Variants in CTNNA3 observed in about 807,000 individuals in gnomAD.
CTNNA3 encodes the protein catenin alpha-3.
CTNNA3 carries 76 observed loss-of-function variants against 95.7 expected under a neutral mutation model. That is an observed-to-expected ratio of 0.79 (90% CI 0.66 to 0.96). CTNNA3 has a LOEUF of 0.96. Among genes scored for constraint, CTNNA3 ranks in the 40% least tolerant of loss-of-function variants. CTNNA3 has a pLI of 0.00. For missense variants in CTNNA3, 1,191 were observed against 1,089.8 expected, an observed-to-expected ratio of 1.09 and a Z score of -1.31; for synonymous variants, 431 against 374.4, an observed-to-expected ratio of 1.15 and a Z score of -1.74.
chr10:66,216,276 T>G (rs1293698227), intron 13 of CTNNA3, among the ~76,000 whole-genome samples: 2 of 152,230 alleles, frequency 1.3e-5, no homozygotes, highest in Non-Finnish European at 2.9e-5. Flanking sequence ...AACTTATATC[T>G]TTAGTTTACA....
At chr10:67,564,677 G>GTATATATATAAATATATATATATA (rs1554854251) in intron 3 of CTNNA3, among the ~76,000 whole-genome samples, 1 of 61,334 alleles carries the variant, frequency 1.6e-5, no homozygotes, top group Non-Finnish European at 3.1e-5. Context: ...GTGTGTGTGT[G>GTATATATATAAATATATATATATA]TATATATATA....
chr10:67,125,061 G>C (rs535596397), intron 7 of CTNNA3, among the ~76,000 whole-genome samples: 1 of 152,296 alleles, frequency 6.6e-6, no homozygotes, highest in South Asian at 2.1e-4. Context: ...ATCAAGTTAA[G>C]TTATGAGCTA....
At chr10:67,369,116 C>A (rs1193497221) in intron 5 of CTNNA3, among the ~76,000 whole-genome samples, 1 of 152,090 alleles carries the variant, frequency 6.6e-6, no homozygotes, top group East Asian at 1.9e-4. Flanking sequence ...ATGTATAATG[C>A]ATTACATATA....
intron 7 of CTNNA3, among the ~76,000 whole-genome samples, chr10:66,999,910 C>T (rs1195409920): frequency 1.3e-5 from 2 of 152,250 alleles, no homozygotes; most frequent in East Asian, 3.9e-4. Flanking sequence ...TGAAGGTCAT[C>T]TGATTTGTTG....
chr10:67,762,129 G>A (rs1468003121), intron 1 of CTNNA3, among the ~76,000 whole-genome samples: 2 of 150,930 alleles, frequency 1.3e-5, no homozygotes, highest in East Asian at 1.9e-4. Flanking sequence ...ACTTTTGGGG[G>A]CGGGGGGAAT....
chr10:66,320,393 A>ATGT (rs1255076992), intron 12 of CTNNA3, among the ~76,000 whole-genome samples: 1 of 152,120 alleles, frequency 6.6e-6, no homozygotes, highest in Non-Finnish European at 1.5e-5. Context: ...GCATTAAATA[A>ATGT]TGTTTAATTA....
intron 13 of CTNNA3, among the ~76,000 whole-genome samples, chr10:66,209,551 G>A (rs554017991): frequency 4.1e-4 from 63 of 152,134 alleles, no homozygotes; most frequent in Middle Eastern, 3.2e-3. Flanking sequence ...CATAGCCAGC[G>A]TGTTAAGGGA....
At chr10:67,319,896 CAAAAAAA>C (rs11418140) in intron 5 of CTNNA3, among the ~76,000 whole-genome samples, 3 of 102,882 alleles carry the variant, frequency 2.9e-5, no homozygotes, top group African/African-American at 4.0e-5. Flanking sequence ...GACTCAGTCT[CAAAAAAA>C]AAAAAAAAAA....
At chr10:67,644,825 G>A (rs1839655248) in intron 2 of CTNNA3, among the ~76,000 whole-genome samples, 2 of 151,938 alleles carry the variant, frequency 1.3e-5, no homozygotes, top group African/African-American at 4.8e-5. Context: ...TTATACCTGA[G>A]ACGTTGATGT....
intron 9 of CTNNA3, among the ~76,000 whole-genome samples, chr10:66,686,903 T>G (rs76259507): frequency 6.6e-6 from 1 of 152,010 alleles, no homozygotes; most frequent in African/African-American, 2.4e-5. Context: ...TTGTTTTTTG[T>G]TTTTTTGTCA....
intron 5 of CTNNA3, among the ~76,000 whole-genome samples, chr10:67,414,350 C>G (rs1845474635): frequency 1.3e-5 from 2 of 152,062 alleles, no homozygotes; most frequent in South Asian, 4.1e-4. Flanking sequence ...GGATAAATTC[C>G]TGGAAGCATA....
chr10:67,206,621 T>G (rs1205920709), intron 6 of CTNNA3, among the ~76,000 whole-genome samples: 2 of 148,482 alleles, frequency 1.3e-5, no homozygotes, highest in Non-Finnish European at 3.0e-5. Context: ...TAGCAAAAAC[T>G]CAACAAAAAG....
chr10:66,410,901 C>T (rs553603620), intron 11 of CTNNA3, among the ~76,000 whole-genome samples: 29 of 152,146 alleles, frequency 1.9e-4, no homozygotes, highest in African/African-American at 6.5e-4. Context: ...TTTAAACCAG[C>T]GGAACTCTTA....
intron 5 of CTNNA3, among the ~76,000 whole-genome samples, chr10:67,413,513 T>A (rs1394510441): frequency 6.6e-6 from 1 of 152,068 alleles, no homozygotes; most frequent in Non-Finnish European, 1.5e-5. Context: ...TTCAACACCC[T>A]ACTGACAACA....
intron 9 of CTNNA3, among the ~76,000 whole-genome samples, chr10:66,698,507 T>G (rs909603340): frequency 7.2e-5 from 11 of 152,322 alleles, no homozygotes; most frequent in African/African-American, 2.6e-4. Context: ...TTAAGTGGTA[T>G]TTCATATGGT....
rs963270563 is a variant in CTNNA3 at position 66,007,920 on chromosome 10, C to T, written c.2160-19123G>A. ...CTGTGCTGCTGCCCCAGCAGTGTGC[C>T]TTAAGTCACAGTGCCAGGATGTATT... On this transcript the variant is annotated intron_variant, in intron 15 of 17. Transcript: ENST00000433211. Among the ~76,000 whole-genome samples, 8 of 151,632 alleles carry T rather than the reference C, an allele frequency of 5.3e-5. 1 individual carries two copies. Among genetic ancestry groups the T allele is most frequent in the African/African-American group, 1.7e-4 (7 of 41,214 alleles).
chr10:67,576,129 C>T (rs1842135619), intron 3 of CTNNA3, among the ~76,000 whole-genome samples: 1 of 152,152 alleles, frequency 6.6e-6, no homozygotes, highest in South Asian at 2.1e-4. Context: ...CAGGGAGCAA[C>T]CTTAAGTTCT....
chr10:66,136,397 C>T (rs1049155375), intron 13 of CTNNA3, among the ~76,000 whole-genome samples: 2 of 151,634 alleles, frequency 1.3e-5, no homozygotes, highest in Non-Finnish European at 2.9e-5. Flanking sequence ...GTAAGACCAA[C>T]AAAAAACAAT....
rs527535619 is a variant in CTNNA3, at chr10:66,091,429, A to G, written c.1977+11728T>C. The stretch of plus-strand genomic sequence containing the variant: ...ATTTTCTGCACAGGTCTCTTTTCCC[A>G]AAGCACATATATGGTTAACACTGTT... On this transcript the variant is annotated intron_variant, in intron 14 of 17. Coordinates refer to ENST00000433211, the MANE Select transcript of CTNNA3 (RefSeq NM_013266.4). Among the ~76,000 whole-genome samples the G allele has an allele frequency of 6.8e-4, 104 of 152,090 alleles. 4 individuals carry two copies. The South Asian group carries it at 0.021, about 31-fold the overall frequency.
Sources: allele counts gnomAD v4.1 joint callset (sites outside exome capture counted in the v4.1 genomes callset), GRCh38; gene constraint gnomAD v4.1.1; transcripts MANE v1.5; gene names NCBI Gene and HGNC (gene_info 2026-07-23, HGNC 2026-07-21).